The following PTPRM variants were observed in gnomAD, a reference collection of about 807,000 sequenced individuals.
PTPRM encodes receptor-type tyrosine-protein phosphatase mu.
PTPRM carries 47 observed loss-of-function variants against 186.7 expected under a neutral mutation model. The observed-to-expected ratio is 0.25, with a 90% confidence interval of 0.20 to 0.32. The LOEUF (loss-of-function observed/expected upper bound fraction) is 0.32. PTPRM is among the 10% of genes least tolerant of loss of function. The pLI is 1.00. For missense variants in PTPRM, 1,494 were observed against 1,865.0 expected (o/e 0.80, Z 3.66); for synonymous variants, 668 against 674.9 (o/e 0.99, Z 0.16).
Position 8,252,379 on chromosome 18 carries a change from G to A in PTPRM, c.2555-109G>A, listed in dbSNP as rs1359558548. 6 of 953,514 alleles carry A rather than the reference G, an allele frequency of 6.3e-6. No homozygotes were observed. In the African/African-American group the frequency reaches 8.1e-5, roughly 13 times the overall value. The allele number at this position is 953,514 out of a possible 1,614,324, so 59.1% of individuals were successfully genotyped here. A position where few individuals can be genotyped will look rare whatever the true frequency, so the allele number is the denominator to read the frequency against. On this transcript the variant is annotated intron_variant, in intron 17 of 32. Coordinates refer to ENST00000580170, the MANE Select transcript of PTPRM (RefSeq NM_001105244.2). ...TCTGAATAGAAAACTTAACTGGAAA[G>A]TTAAAGCATAAAATAAAAACTACCT...
At chr18:7,642,589 G>A (rs1359134081) in intron 1 of PTPRM, among the ~76,000 whole-genome samples, 1 of 152,146 alleles carries the variant, frequency 6.6e-6, no homozygotes, top group Non-Finnish European at 1.5e-5. Context: ...ATAAAAGACC[G>A]CCTGGAGCTA....
At chr18:7,894,325 G>A (rs899242139) in intron 3 of PTPRM, among the ~76,000 whole-genome samples, 18 of 152,092 alleles carry the variant, frequency 1.2e-4, no homozygotes, top group African/African-American at 3.9e-4. Context: ...GGTGGCTCAC[G>A]CCTGTAATCC....
In PTPRM at chr18:8,111,759, C is replaced by G. The variant is rs143900440; in HGVS notation, c.1857-1727C>G. 3.9e-5 allele frequency among the ~76,000 whole-genome samples: 6 copies of G among 152,294 alleles called. No homozygotes were observed. The East Asian group carries it at 1.2e-3, about 29-fold the overall frequency. On this transcript the variant is annotated intron_variant, in intron 11 of 32. Coordinates refer to ENST00000580170, the MANE Select transcript of PTPRM (RefSeq NM_001105244.2). Reference sequence around the variant, plus strand: ...CTCCATGTTAGAGATTCACTTAATTCTCTCATTTCGTAGGAGAAAAATAAA... The same window carrying G: ...CTCCATGTTAGAGATTCACTTAATTGTCTCATTTCGTAGGAGAAAAATAAA...
chr18:8,319,921 G>A (rs7241557), intron 22 of PTPRM, among the ~76,000 whole-genome samples: 60,184 of 151,874 alleles, frequency 0.4, 12,079 homozygotes, highest in African/African-American at 0.46. Context: ...GCTCATGGCA[G>A]TGGTTTTTGG....
chr18:7,884,333 G>C (rs2048658686), intron 2 of PTPRM, among the ~76,000 whole-genome samples: 1 of 152,152 alleles, frequency 6.6e-6, no homozygotes, highest in African/African-American at 2.4e-5. Flanking sequence ...AGACTGTAGA[G>C]GAAGGGAAAA....
chr18:8,323,119 G>A (rs1462308539), intron 22 of PTPRM, among the ~76,000 whole-genome samples: 1 of 152,150 alleles, frequency 6.6e-6, no homozygotes, highest in Non-Finnish European at 1.5e-5. Flanking sequence ...ATGAGTCATT[G>A]CACTCGGCTT....
At chr18:7,921,092 T>G (rs2050833517) in intron 4 of PTPRM, among the ~76,000 whole-genome samples, 1 of 152,088 alleles carries the variant, frequency 6.6e-6, no homozygotes, top group Non-Finnish European at 1.5e-5. Context: ...TTGAATCTGT[T>G]TGGTGTTCTC....
intron 22 of PTPRM, among the ~76,000 whole-genome samples, chr18:8,333,435 T>C (rs539814776): frequency 6.6e-6 from 1 of 152,314 alleles, no homozygotes. Context: ...CTCACTACTG[T>C]AAAAATGAAA....
chr18:7,663,222 G>A (rs141604326), intron 1 of PTPRM, among the ~76,000 whole-genome samples: 92 of 152,310 alleles, frequency 6.0e-4, no homozygotes, highest in African/African-American at 2.1e-3. Flanking sequence ...CTGGCAGTCA[G>A]CAGCATCATT....
chr18:8,236,001 A>G (rs148266872), intron 14 of PTPRM, among the ~76,000 whole-genome samples: 97 of 152,278 alleles, frequency 6.4e-4, no homozygotes, highest in Middle Eastern at 3.4e-3. Context: ...GATGCGGTCT[A>G]TCTGGTGAAT....
chr18:8,240,553 A>AAGGAAGGAAG (rs1568583045), intron 14 of PTPRM, among the ~76,000 whole-genome samples: 4 of 77,434 alleles, frequency 5.2e-5, no homozygotes, highest in Non-Finnish European at 1.1e-4. Flanking sequence ...AAGGAAGGAA[A>AAGGAAGGAAG]GAAGGAAAGA....
intron 7 of PTPRM, among the ~76,000 whole-genome samples, chr18:7,987,435 G>A (rs186400308): frequency 2.6e-5 from 4 of 152,188 alleles, no homozygotes; most frequent in Admixed American, 1.3e-4. Flanking sequence ...AATACTTAAC[G>A]TATAACAGAC....
chr18:7,748,621 T>G, intron 1 of PTPRM, among the ~76,000 whole-genome samples: 1 of 152,224 alleles, frequency 6.6e-6, no homozygotes, highest in East Asian at 1.9e-4. Flanking sequence ...TCTGATACCT[T>G]ATTTAACCCA....
intron 5 of PTPRM, among the ~76,000 whole-genome samples, chr18:7,939,005 T>A (rs963722689): frequency 2.6e-5 from 4 of 152,202 alleles, no homozygotes; most frequent in Non-Finnish European, 4.4e-5. Flanking sequence ...ACTATGTTAA[T>A]TATTAAAATC....
chr18:7,937,417 A>G (rs8089133), intron 5 of PTPRM, among the ~76,000 whole-genome samples: 22,271 of 152,198 alleles, frequency 0.15, 1,878 homozygotes, highest in Non-Finnish European at 0.19. Flanking sequence ...GGAGCTGCCC[A>G]TCCCACCACA....
chr18:8,104,024 C>T (rs1283818350), intron 11 of PTPRM, among the ~76,000 whole-genome samples: 3 of 152,128 alleles, frequency 2.0e-5, no homozygotes, highest in Admixed American at 2.0e-4. Context: ...TCATAGCACC[C>T]CAAAACAATT....
chr18:8,125,669 G>A (rs2092315629), intron 13 of PTPRM, among the ~76,000 whole-genome samples: 1 of 151,862 alleles, frequency 6.6e-6, no homozygotes. Context: ...AAGGGGAGTG[G>A]AATGTCTGAT....
At chr18:7,947,959 A>G (rs1252238433) in intron 5 of PTPRM, among the ~76,000 whole-genome samples, 1 of 152,158 alleles carries the variant, frequency 6.6e-6, no homozygotes, top group Non-Finnish European at 1.5e-5. Context: ...TGACATAGTG[A>G]TAGCTCCTGG....
intron 11 of PTPRM, among the ~76,000 whole-genome samples, chr18:8,099,156 TC>T (rs1432041958): frequency 2.6e-5 from 4 of 151,522 alleles, no homozygotes; most frequent in African/African-American, 9.7e-5. Context: ...TCTCTCTCTC[TC>T]TTTCTCTCTC....
Sources: gnomAD v4.1 joint callset for allele counts (sites outside exome capture counted in the v4.1 genomes callset) on GRCh38, gnomAD v4.1.1 for gene constraint, MANE v1.5 for transcripts, NCBI Gene and HGNC (gene_info 2026-07-23, HGNC 2026-07-21) for gene names.